EXOC6B: variants seen among roughly 807,000 people sequenced by gnomAD.
The protein encoded by EXOC6B is exocyst complex component 6B.
A neutral mutation model predicts 113.5 loss-of-function variants in EXOC6B; 54 were observed. The ratio of observed to expected loss-of-function variants is 0.48; its 90% confidence interval spans 0.38 to 0.60. The LOEUF (loss-of-function observed/expected upper bound fraction) is 0.60, where lower values mean the gene tolerates loss of function less well. Ranked by LOEUF, EXOC6B falls within the 20% of genes least tolerant of loss-of-function variation. The pLI is 0.00. For synonymous variants in EXOC6B, 357 were observed against 339.0 expected (o/e 1.05, Z -0.58); for missense variants, 797 against 977.5 (o/e 0.82, Z 2.46).
At chr2:72,555,047 T>G (rs999229036) in intron 8 of EXOC6B, among the ~76,000 whole-genome samples, 45 of 147,758 alleles carry the variant, frequency 3.0e-4, no homozygotes, top group Non-Finnish European at 6.0e-4. Context: ...AGAATGACAG[T>G]TTCCAGCTTC....
intron 18 of EXOC6B, among the ~76,000 whole-genome samples, chr2:72,408,434 C>T (rs894917027): frequency 3.9e-5 from 6 of 152,278 alleles, no homozygotes; most frequent in Admixed American, 2.6e-4. Context: ...AAGAACAAAG[C>T]TGGAGGCATC....
chr2:72,766,171 G>C (rs1204444565), intron 1 of EXOC6B, among the ~76,000 whole-genome samples: 1 of 152,176 alleles, frequency 6.6e-6, no homozygotes, highest in African/African-American at 2.4e-5. Context: ...GGAATGTCTG[G>C]AGGACAATAG....
intron 18 of EXOC6B, among the ~76,000 whole-genome samples, chr2:72,416,250 G>A (rs149732574): frequency 6.6e-6 from 1 of 152,206 alleles, no homozygotes; most frequent in East Asian, 1.9e-4. Flanking sequence ...CTCATCAAGA[G>A]AGCCAGCAAA....
At chr2:72,294,317 C>T (rs1685988941) in intron 20 of EXOC6B, among the ~76,000 whole-genome samples, 1 of 151,922 alleles carries the variant, frequency 6.6e-6, no homozygotes, top group East Asian at 1.9e-4. Context: ...AATCATTCTA[C>T]TCTCCTGTCC....
chr2:72,324,643 G>A (rs1434182099), intron 20 of EXOC6B, among the ~76,000 whole-genome samples: 1 of 152,058 alleles, frequency 6.6e-6, no homozygotes, highest in Non-Finnish European at 1.5e-5. Flanking sequence ...TCATTTAATA[G>A]TCTAGGAAAT....
chr2:72,192,798 C>A (rs909613182), intron 20 of EXOC6B, among the ~76,000 whole-genome samples: 3 of 152,108 alleles, frequency 2.0e-5, no homozygotes, highest in African/African-American at 7.2e-5. Flanking sequence ...GCAGGTGCAT[C>A]CTTGAAGTAA....
At chr2:72,370,829 A>T (rs1002452109) in intron 19 of EXOC6B, among the ~76,000 whole-genome samples, 1 of 146,596 alleles carries the variant, frequency 6.8e-6, no homozygotes, top group Non-Finnish European at 1.5e-5. Context: ...ACTTGGACAC[A>T]AGAAGGGGAA....
chr2:72,462,038 T>C (rs969043847), intron 18 of EXOC6B: 16 of 152,084 alleles, frequency 1.1e-4, no homozygotes, highest in African/African-American at 1.9e-4. Context: ...ACAAATTTAC[T>C]TGATACTCAC....
intron 1 of EXOC6B, among the ~76,000 whole-genome samples, chr2:72,818,905 A>G (rs1318870891): frequency 4.6e-5 from 7 of 152,092 alleles, no homozygotes; most frequent in Admixed American, 4.6e-4. Flanking sequence ...ACCTTTCCTA[A>G]TCCCCTAATT....
intron 1 of EXOC6B, among the ~76,000 whole-genome samples, chr2:72,814,714 G>A (rs1001982392): frequency 8.5e-5 from 13 of 152,148 alleles, no homozygotes; most frequent in Middle Eastern, 3.4e-3. Flanking sequence ...TAATTCTGCC[G>A]GGCGTGGTGG....
intron 20 of EXOC6B, among the ~76,000 whole-genome samples, chr2:72,219,691 G>T (rs1277048946): frequency 2.0e-5 from 3 of 152,036 alleles, no homozygotes; most frequent in Non-Finnish European, 1.5e-5. Context: ...TTCTGCTCTG[G>T]CCTCAAACAA....
intron 6 of EXOC6B, among the ~76,000 whole-genome samples, chr2:72,652,469 T>C (rs1558883581): frequency 6.6e-6 from 1 of 152,124 alleles, no homozygotes; most frequent in Non-Finnish European, 1.5e-5. Flanking sequence ...AAGTCAACAT[T>C]GCTAGGCTCA....
intron 18 of EXOC6B, among the ~76,000 whole-genome samples, chr2:72,413,702 G>T (rs146198093): frequency 7.7e-6 from 1 of 129,104 alleles, no homozygotes; most frequent in Non-Finnish European, 1.6e-5. Context: ...AAAAAAAAAA[G>T]AAAAAAGAAA....
intron 18 of EXOC6B, among the ~76,000 whole-genome samples, chr2:72,448,787 T>C (rs1353567945): frequency 6.6e-6 from 1 of 152,218 alleles, no homozygotes; most frequent in Non-Finnish European, 1.5e-5. Flanking sequence ...TTCAGAGTTG[T>C]GTTCAAACAA....
chr2:72,774,649 C>T (rs1346788179), intron 1 of EXOC6B, among the ~76,000 whole-genome samples: 3 of 152,054 alleles, frequency 2.0e-5, no homozygotes, highest in Non-Finnish European at 4.4e-5. Flanking sequence ...TTCATAATAG[C>T]CAATGAATGG....
intron 19 of EXOC6B, among the ~76,000 whole-genome samples, chr2:72,361,660 A>G (rs1690323856): frequency 6.6e-6 from 1 of 152,166 alleles, no homozygotes; most frequent in African/African-American, 2.4e-5. Context: ...AGATCTCTTT[A>G]TAAAGATTCT....
intron 20 of EXOC6B, among the ~76,000 whole-genome samples, chr2:72,240,544 G>A (rs1478410987): frequency 6.6e-6 from 1 of 152,132 alleles, no homozygotes; most frequent in Admixed American, 6.5e-5. Context: ...TTACTCTGAA[G>A]TTCTCTTGAG....
At chr2:72,762,222 A>T (rs2104904286) in intron 1 of EXOC6B, among the ~76,000 whole-genome samples, 1 of 151,212 alleles carries the variant, frequency 6.6e-6, no homozygotes, top group African/African-American at 2.4e-5. Flanking sequence ...CCAGCCTGGC[A>T]ACAGAGTGAG....
chr2:72,214,099 G>C (rs1680353505), intron 20 of EXOC6B, among the ~76,000 whole-genome samples: 1 of 152,086 alleles, frequency 6.6e-6, no homozygotes, highest in Non-Finnish European at 1.5e-5. Context: ...CTAAAGTCAA[G>C]AATACATCAT....
Sources: gnomAD v4.1 joint callset for allele counts (sites outside exome capture counted in the v4.1 genomes callset) on GRCh38, gnomAD v4.1.1 for gene constraint, MANE v1.5 for transcripts, NCBI Gene and HGNC (gene_info 2026-07-23, HGNC 2026-07-21) for gene names.